The following FGF12 variants were observed in gnomAD, a reference collection of about 807,000 sequenced individuals.
FGF12 encodes the protein fibroblast growth factor 12B.
FGF12 carries 14 observed loss-of-function variants against 23.6 expected under a neutral mutation model. That is an observed-to-expected ratio of 0.59 (90% CI 0.39 to 0.93). The LOEUF (loss-of-function observed/expected upper bound fraction) is 0.93. Among genes scored for constraint, FGF12 ranks in the 40% least tolerant of loss-of-function variants. The probability of loss-of-function intolerance (pLI) is 0.00; values close to 1 mark genes in which losing one functional copy is unlikely to be tolerated. For synonymous variants in FGF12, 62 were observed against 77.3 expected, an observed-to-expected ratio of 0.80 and a Z score of 1.04; for missense variants, 175 against 217.8, an observed-to-expected ratio of 0.80 and a Z score of 1.24.
At chr3:192,174,262 A>C (rs995492441) in intron 4 of FGF12, among the ~76,000 whole-genome samples, 1 of 152,208 alleles carries the variant, frequency 6.6e-6, no homozygotes, top group African/African-American at 2.4e-5. Context: ...CAAAAATCAG[A>C]GATATTGCAC....
At chr3:192,333,313 C>T (rs1450432762) in intron 4 of FGF12, among the ~76,000 whole-genome samples, 2 of 152,060 alleles carry the variant, frequency 1.3e-5, no homozygotes, top group Non-Finnish European at 2.9e-5. Flanking sequence ...TGAATTATGA[C>T]TTTTTAAATA....
chr3:192,475,937 T>TGATAGATAGATAGATAGATAGATA (rs111672806), intron 2 of FGF12, among the ~76,000 whole-genome samples: 439 of 151,992 alleles, frequency 2.9e-3, no homozygotes, highest in African/African-American at 0.01. Flanking sequence ...TATAGATAGA[T>TGATAGATAGATAGATAGATAGATA]GATAGATAGA....
At chr3:192,484,188 A>G (rs1244118118) in intron 2 of FGF12, among the ~76,000 whole-genome samples, 1 of 152,062 alleles carries the variant, frequency 6.6e-6, no homozygotes. Flanking sequence ...ATACTGTTAA[A>G]GCCAGTGTTT....
chr3:192,423,884 T>C (rs1250092267), intron 2 of FGF12, among the ~76,000 whole-genome samples: 2 of 152,188 alleles, frequency 1.3e-5, no homozygotes, highest in Non-Finnish European at 1.5e-5. Flanking sequence ...AGACAGTTAC[T>C]AGTTATTATC....
intron 2 of FGF12, among the ~76,000 whole-genome samples, chr3:192,689,340 A>G (rs140967979): frequency 4.3e-4 from 65 of 152,322 alleles, no homozygotes; most frequent in African/African-American, 1.5e-3. Flanking sequence ...AAAGTATCAC[A>G]TGCACCTCAT....
chr3:192,330,803 A>G (rs945928956), intron 4 of FGF12, among the ~76,000 whole-genome samples: 3 of 152,198 alleles, frequency 2.0e-5, no homozygotes, highest in Admixed American at 2.0e-4. Flanking sequence ...TGGCAACTAT[A>G]TCTTGGATAT....
intron 2 of FGF12, among the ~76,000 whole-genome samples, chr3:192,419,959 T>C (rs1283826467): frequency 6.6e-6 from 1 of 152,164 alleles, no homozygotes; most frequent in East Asian, 1.9e-4. Flanking sequence ...AGTTGTGGTA[T>C]TTGAGAATAA....
At chr3:192,171,329 A>T (rs889294821) in intron 4 of FGF12, among the ~76,000 whole-genome samples, 1 of 152,216 alleles carries the variant, frequency 6.6e-6, no homozygotes, top group African/African-American at 2.4e-5. Context: ...TTCTAGTCTC[A>T]GAAGAAACTG....
chr3:192,236,210 T>C lies in FGF12; in HGVS notation c.229-65554A>G, dbSNP rs74696288. Reference sequence around the variant, plus strand: ...ATTGATTTCTATTCTTATTTTGCTGTGTTCTGAGAGTGTAGCTTGTATGAT... The same window carrying C: ...ATTGATTTCTATTCTTATTTTGCTGCGTTCTGAGAGTGTAGCTTGTATGAT... On this transcript the variant is annotated intron_variant, in intron 4 of 5. Transcript: ENST00000445105. Among the ~76,000 whole-genome samples, 394 of 148,760 alleles carry C rather than the reference T, an allele frequency of 2.6e-3. 9 individuals carry two copies. In the East Asian group the frequency reaches 0.053, roughly 20 times the overall value.
chr3:192,574,830 T>C (rs1346346404), intron 2 of FGF12, among the ~76,000 whole-genome samples: 1 of 152,194 alleles, frequency 6.6e-6, no homozygotes, highest in Non-Finnish European at 1.5e-5. Flanking sequence ...GCAGAAGTGG[T>C]CACCTGCTTA....
At chr3:192,370,302 G>C (rs7623186) in intron 2 of FGF12, among the ~76,000 whole-genome samples, 1 of 152,010 alleles carries the variant, frequency 6.6e-6, no homozygotes, top group Non-Finnish European at 1.5e-5. Flanking sequence ...TTTATGCCAC[G>C]TGTATGTGCC....
At chr3:192,621,312 G>T (rs76139856) in intron 2 of FGF12, among the ~76,000 whole-genome samples, 2,456 of 152,106 alleles carry the variant, frequency 0.016, 70 homozygotes, top group African/African-American at 0.056. Context: ...CCCATAGGTA[G>T]CAGGTTGGGT....
intron 4 of FGF12, among the ~76,000 whole-genome samples, chr3:192,313,991 G>A (rs1173733181): frequency 6.6e-6 from 1 of 152,150 alleles, no homozygotes; most frequent in Non-Finnish European, 1.5e-5. Context: ...TCATAAATAG[G>A]ATCAGTGTCC....
At position 192,409,814 on chromosome 3, in the gene FGF12, C is replaced by T. The variant is rs897267275; in HGVS notation, c.14-49276G>A. ...TGGGGCCGGAGGCGGAATCAGGGGC[C>T]GGGGCCAGGAGGCAGGTGCAGGCGG... On this transcript the variant is annotated intron_variant, in intron 2 of 5. Transcript: ENST00000445105. The surrounding 1 kb of genome is among the most constrained non-coding windows in gnomAD (Gnocchi z 4.8). 1.9e-4 allele frequency among the ~76,000 whole-genome samples: 29 copies of T among 152,114 alleles called. No homozygotes were observed. The highest frequency in any genetic ancestry group is 6.7e-4 in the African/African-American group (28 of 41,556).
intron 2 of FGF12, among the ~76,000 whole-genome samples, chr3:192,576,245 T>C (rs1172651757): frequency 1.3e-5 from 2 of 152,216 alleles, no homozygotes; most frequent in East Asian, 3.8e-4. Flanking sequence ...CACTTTATAA[T>C]ATGTAAAACA....
intron 3 of FGF12, among the ~76,000 whole-genome samples, chr3:192,355,585 C>A (rs1718435081): frequency 6.6e-6 from 1 of 152,140 alleles, no homozygotes; most frequent in Admixed American, 6.5e-5. Context: ...CAGAGCAGAA[C>A]TGGGGTTTCT....
At chr3:192,384,255 T>C (rs1045416778) in intron 2 of FGF12, among the ~76,000 whole-genome samples, 3 of 152,132 alleles carry the variant, frequency 2.0e-5, no homozygotes, top group African/African-American at 7.2e-5. Flanking sequence ...ACAGTGAATA[T>C]ACAGAATTTG....
chr3:192,372,810 G>A (rs1054395028), intron 2 of FGF12, among the ~76,000 whole-genome samples: 8 of 152,070 alleles, frequency 5.3e-5, no homozygotes, highest in African/African-American at 1.9e-4. Context: ...ACAAGAAAAC[G>A]TCAGACCCTT....
chr3:192,609,431 T>A (rs996396156), intron 2 of FGF12, among the ~76,000 whole-genome samples: 1 of 152,106 alleles, frequency 6.6e-6, no homozygotes, highest in Non-Finnish European at 1.5e-5. Context: ...GAGGGAGGGA[T>A]CATGAATATG....
Sources: allele counts gnomAD v4.1 joint callset (sites outside exome capture counted in the v4.1 genomes callset), GRCh38; gene constraint gnomAD v4.1.1; non-coding constraint Gnocchi (gnomAD v3.1); transcripts MANE v1.5; gene names NCBI Gene and HGNC (gene_info 2026-07-23, HGNC 2026-07-21).